MTMR7: variants seen among roughly 807,000 people sequenced by gnomAD.
MTMR7 encodes phosphatidylinositol-3-phosphate phosphatase MTMR7.
MTMR7 carries 76 observed loss-of-function variants against 81.2 expected under a neutral mutation model. That is an observed-to-expected ratio of 0.94 (90% CI 0.78 to 1.13). The LOEUF is 1.13. Among genes scored for constraint, MTMR7 ranks in the 50% most tolerant of loss-of-function variants. The pLI is 0.00. For missense variants in MTMR7, 1,044 were observed against 820.0 expected, an observed-to-expected ratio of 1.27 and a Z score of -3.34; for synonymous variants, 372 against 289.8, an observed-to-expected ratio of 1.28 and a Z score of -2.88.
At chr8:17,369,488 C>G (rs995365548) in intron 3 of MTMR7, among the ~76,000 whole-genome samples, 2 of 152,048 alleles carry the variant, frequency 1.3e-5, no homozygotes, top group African/African-American at 4.8e-5. Context: ...ACTTCTTGTC[C>G]TGAATCAAAA....
Position 17,343,252 on chromosome 8 carries a change from C to T in MTMR7, c.598-1755G>A, listed in dbSNP as rs186600403. Among the ~76,000 whole-genome samples, 19 of 152,122 alleles carry T rather than the reference C, an allele frequency of 1.2e-4. No individual in the cohort carries two copies. In the East Asian group the frequency reaches 3.5e-3, roughly 28 times the overall value. On this transcript the variant is annotated intron_variant, in intron 5 of 13. Transcript: ENST00000180173. ...GACCAGCCTGTCCAACATGGTGAAA[C>T]CCCATCACTACTAAAAATACAACAA...
chr8:17,300,819 C>T (rs1269014697), intron 13 of MTMR7, among the ~76,000 whole-genome samples: 1 of 152,226 alleles, frequency 6.6e-6, no homozygotes, highest in Non-Finnish European at 1.5e-5. Flanking sequence ...ACTTCTATCT[C>T]TATGGATTTG....
intron 10 of MTMR7, among the ~76,000 whole-genome samples, chr8:17,307,643 CCAA>C (rs1563318649): frequency 1.3e-5 from 2 of 152,252 alleles, no homozygotes; most frequent in East Asian, 3.9e-4. Context: ...ACCTATATGT[CCAA>C]CAACAATAGC....
At chr8:17,382,199 T>C (rs184222425) in intron 1 of MTMR7, among the ~76,000 whole-genome samples, 26 of 152,314 alleles carry the variant, frequency 1.7e-4, no homozygotes, top group Admixed American at 4.6e-4. Context: ...TCTAACAGCC[T>C]CTGAAGCTGG....
chr8:17,336,512 T>C (rs1248653377), intron 6 of MTMR7, among the ~76,000 whole-genome samples: 2 of 152,028 alleles, frequency 1.3e-5, no homozygotes, highest in African/African-American at 4.8e-5. Context: ...TACCACTGAC[T>C]TTCCTAGGTG....
intron 3 of MTMR7, among the ~76,000 whole-genome samples, chr8:17,366,609 G>A (rs5026887): frequency 0.036 from 5,438 of 152,104 alleles, 501 homozygotes; most frequent in East Asian, 0.31. Flanking sequence ...AGTTGAGGCC[G>A]GGCGCGGTGG....
intron 1 of MTMR7, among the ~76,000 whole-genome samples, chr8:17,389,857 G>C (rs1821050718): frequency 6.6e-6 from 1 of 152,096 alleles, no homozygotes; most frequent in South Asian, 2.1e-4. Flanking sequence ...TTTGTTGAAA[G>C]ATATTGAAAG....
chr8:17,374,620 AAAAT>A (rs143079802), intron 1 of MTMR7, among the ~76,000 whole-genome samples: 20,641 of 151,254 alleles, frequency 0.14, 1,752 homozygotes, highest in East Asian at 0.38. Flanking sequence ...ACTCCATCTC[AAAAT>A]AAATAAATAA....
At chr8:17,308,653 A>G (rs1376205703) in intron 10 of MTMR7, among the ~76,000 whole-genome samples, 1 of 152,246 alleles carries the variant, frequency 6.6e-6, no homozygotes, top group African/African-American at 2.4e-5. Context: ...AGAGAACACC[A>G]GAACACAATA....
At chr8:17,319,131 G>A (rs1818256547) in intron 7 of MTMR7, among the ~76,000 whole-genome samples, 1 of 152,210 alleles carries the variant, frequency 6.6e-6, no homozygotes, top group South Asian at 2.1e-4. Flanking sequence ...ATGGGCAATA[G>A]CACGTAGCAA....
rs537768814 is a variant in MTMR7 at position 17,376,220 on chromosome 8, C to T, written c.25-2980G>A. Among the ~76,000 whole-genome samples, 4 of 152,324 alleles carry T rather than the reference C, an allele frequency of 2.6e-5. No individual in the cohort carries two copies. In the East Asian group the frequency reaches 7.7e-4, roughly 29 times the overall value. ...GTTTCTTTCACTTAGCAATCATGTT[C>T]TCAATCTACGTTTCAATCCAAGTTC... On this transcript the variant is annotated intron_variant, in intron 1 of 13. Transcript: ENST00000180173.
chr8:17,312,062 G>A (rs1376111718), intron 8 of MTMR7, among the ~76,000 whole-genome samples: 2 of 152,088 alleles, frequency 1.3e-5, no homozygotes, highest in Admixed American at 6.5e-5. Flanking sequence ...TAAATAAAAG[G>A]TAAGCGTCAA....
At chr8:17,412,477 G>A (rs189320435) in intron 1 of MTMR7, among the ~76,000 whole-genome samples, 285 of 152,228 alleles carry the variant, frequency 1.9e-3, no homozygotes, top group Non-Finnish European at 2.2e-3. Context: ...CAGTAACGTC[G>A]ATCATCATTT....
intron 11 of MTMR7, among the ~76,000 whole-genome samples, chr8:17,305,266 G>T (rs1817377124): frequency 6.6e-6 from 1 of 152,104 alleles, no homozygotes; most frequent in South Asian, 2.1e-4. Context: ...CATGTATACT[G>T]CCTAAATCAC....
chr8:17,324,483 C>T (rs1818568739), intron 7 of MTMR7, among the ~76,000 whole-genome samples: 1 of 152,242 alleles, frequency 6.6e-6, no homozygotes, highest in African/African-American at 2.4e-5. Context: ...TGCATCCATG[C>T]TCTTCCTCTA....
In MTMR7 at chr8:17,337,130, G is replaced by C. The variant is rs1819265101; in HGVS notation, c.732+4233C>G. Among the ~76,000 whole-genome samples the C allele has an allele frequency of 2.6e-5, 4 of 152,212 alleles. No individual in the cohort carries two copies. In the South Asian group the frequency reaches 6.2e-4, roughly 24 times the overall value. On this transcript the variant is annotated intron_variant, in intron 6 of 13. Coordinates refer to ENST00000180173, the MANE Select transcript of MTMR7 (RefSeq NM_004686.5). ...CTCACGCCTGTAATCCTAGCACTTT[G>C]GGAGGCCGAGAAGGGCGGATCACCT...
chr8:17,356,536 T>C (rs911755754), intron 4 of MTMR7, among the ~76,000 whole-genome samples: 2 of 151,906 alleles, frequency 1.3e-5, no homozygotes, highest in African/African-American at 4.8e-5. Context: ...CCATCTCTAC[T>C]ACTACTACTA....
chr8:17,319,065 G>C (rs1483423692), intron 7 of MTMR7, among the ~76,000 whole-genome samples: 1 of 152,192 alleles, frequency 6.6e-6, no homozygotes, highest in East Asian at 1.9e-4. Context: ...GTTTAACTTA[G>C]ATTTTAGTAT....
chr8:17,323,866 G>A (rs927960758), intron 7 of MTMR7, among the ~76,000 whole-genome samples: 1 of 152,126 alleles, frequency 6.6e-6, no homozygotes, highest in African/African-American at 2.4e-5. Flanking sequence ...TCATTTTGAA[G>A]CTCTCCTAGT....
Sources: gnomAD v4.1 joint callset for allele counts (sites outside exome capture counted in the v4.1 genomes callset) on GRCh38, gnomAD v4.1.1 for gene constraint, MANE v1.5 for transcripts, NCBI Gene and HGNC (gene_info 2026-07-23, HGNC 2026-07-21) for gene names.